Variants in LHFPL1 observed in about 807,000 individuals in gnomAD.
LHFPL1 encodes LHFPL tetraspan subfamily member 1, also known as LHFPL tetraspan subfamily member 1 protein.
Under a neutral mutation model 12.1 loss-of-function variants are expected in LHFPL1, and 4 were observed. The ratio of observed to expected loss-of-function variants is 0.33; its 90% CI spans 0.16 to 0.76. LHFPL1 has a LOEUF of 0.76. Ranked by LOEUF, LHFPL1 falls within the 30% of genes least tolerant of loss-of-function variation. The pLI is 0.61. For synonymous variants in LHFPL1, 52 were observed against 61.9 expected (o/e 0.84, Z 0.75); for missense variants, 141 against 174.1 (o/e 0.81, Z 1.07).
chrX:112,674,515 G>C (rs7051905), intron 1 of LHFPL1, among the ~76,000 whole-genome samples: 6,076 of 110,158 alleles, frequency 0.055, 428 homozygotes, highest in African/African-American at 0.19. Flanking sequence ...AACCCACAGA[G>C]AGAGAAAATC....
chrX:112,660,984 T>C (rs904836819), intron 2 of LHFPL1, among the ~76,000 whole-genome samples: 1 of 111,927 alleles, frequency 8.9e-6, no homozygotes, highest in East Asian at 2.8e-4. Flanking sequence ...CCAATATACT[T>C]TTTACAGCCA....
chrX:112,641,929 C>T (rs1434019100), intron 3 of LHFPL1, among the ~76,000 whole-genome samples: 2 of 112,123 alleles, frequency 1.8e-5, no homozygotes, highest in East Asian at 2.8e-4. Context: ...CTACACTGTG[C>T]TTGATGCAGT....
rs1289832931 is a variant in LHFPL1, at chrX:112,660,631, C to G, written c.477G>C (p.Gln159His). 1 of 1,207,320 alleles carries G rather than the reference C, an allele frequency of 8.3e-7. No homozygotes were observed. The highest frequency in any genetic ancestry group is 2.2e-5 in the Admixed American group (1 of 46,043). Residue 159 changes from glutamine (Q) to histidine (H), a missense_variant, in exon 3 of 4, where the codon CAG becomes CAC. Transcript: ENST00000371968. ...QTCGNVSNQF[Q>H]LGTCRLGWAY... ...CATCTGCCCAGGCCACCTTACCTAA[C>G]TGAAATTGATTGGAGACATTCCCAC...
intron 3 of LHFPL1, among the ~76,000 whole-genome samples, chrX:112,634,448 C>G (rs951153786): frequency 7.2e-5 from 8 of 111,540 alleles, no homozygotes; most frequent in African/African-American, 2.6e-4. Context: ...TCATCCTCCC[C>G]AGCTTATTCC....
intron 1 of LHFPL1, among the ~76,000 whole-genome samples, chrX:112,675,147 A>T (rs958983417): frequency 1.8e-5 from 2 of 111,551 alleles, no homozygotes; most frequent in Non-Finnish European, 3.8e-5. Flanking sequence ...GGGATAAAAG[A>T]TTACAAATAC....
chrX:112,648,804 T>G (rs1930769635), intron 3 of LHFPL1: 1 of 111,897 alleles, frequency 8.9e-6, no homozygotes, highest in African/African-American at 3.2e-5. Flanking sequence ...ATGGACTCTG[T>G]GTTAGGTATA....
rs1396728697 is a variant in LHFPL1 at position 112,631,515 on chromosome X, C to A, written c.568G>T (p.Ala190Ser). 5 of 1,208,892 alleles carry A rather than the reference C, an allele frequency of 4.1e-6. No homozygotes were observed. The highest frequency in any genetic ancestry group is 4.5e-6 in the Non-Finnish European group (4 of 894,642). ...MLICTWLSCF[A>S]GRNPKPVILV... ...ATGACAGGCTTGGGGTTTCTTCCAGCAAAGCAAGAGAGCCAGGTGCAGATC... is the reference window on the plus strand; with the variant it reads ...ATGACAGGCTTGGGGTTTCTTCCAGAAAAGCAAGAGAGCCAGGTGCAGATC... Residue 190 changes from alanine to serine, a missense_variant, in exon 4 of 4, where the codon GCT becomes TCT. Transcript: ENST00000371968.
chrX:112,638,553 G>A (rs193139246), intron 3 of LHFPL1, among the ~76,000 whole-genome samples: 277 of 111,229 alleles, frequency 2.5e-3, no homozygotes, highest in African/African-American at 8.3e-3. Flanking sequence ...GAATCAATGG[G>A]GTGGGTGGAA....
chrX:112,638,424 G>A (rs1305261970), intron 3 of LHFPL1, among the ~76,000 whole-genome samples: 2 of 111,445 alleles, frequency 1.8e-5, no homozygotes, highest in Admixed American at 9.5e-5. Flanking sequence ...GCCTATAGTG[G>A]CCCTGAGGAC....
intron 2 of LHFPL1, among the ~76,000 whole-genome samples, chrX:112,670,166 A>G (rs1602694250): frequency 8.9e-6 from 1 of 112,767 alleles, no homozygotes; most frequent in Non-Finnish European, 1.9e-5. Context: ...AAACTTCAGC[A>G]GTAGATTCTA....
intron 3 of LHFPL1, among the ~76,000 whole-genome samples, chrX:112,634,928 C>T (rs148355001): frequency 0.011 from 561 of 53,094 alleles, 1 homozygote; most frequent in African/African-American, 0.037. Context: ...TGTTATCTAC[C>T]GGAGGAAAAA....
chrX:112,639,466 G>A (rs902077729), intron 3 of LHFPL1, among the ~76,000 whole-genome samples: 3 of 111,688 alleles, frequency 2.7e-5, no homozygotes, highest in Non-Finnish European at 5.6e-5. Context: ...TCAACCCAAT[G>A]TTCCAAAGGG....
At chrX:112,638,660 G>C (rs1332091455) in intron 3 of LHFPL1, among the ~76,000 whole-genome samples, 1 of 111,849 alleles carries the variant, frequency 8.9e-6, no homozygotes, top group Non-Finnish European at 1.9e-5. Context: ...ACTGATGGCT[G>C]GGGAGGGTTA....
intron 3 of LHFPL1, among the ~76,000 whole-genome samples, chrX:112,653,974 A>G (rs1930924785): frequency 8.9e-6 from 1 of 112,362 alleles, no homozygotes; most frequent in Non-Finnish European, 1.9e-5. Flanking sequence ...TGAAATGTTG[A>G]CAATCCACAA....
At chrX:112,672,102 G>T (rs922103512) in intron 1 of LHFPL1, among the ~76,000 whole-genome samples, 6 of 111,758 alleles carry the variant, frequency 5.4e-5, no homozygotes, top group African/African-American at 1.6e-4. Flanking sequence ...CACTGAGAGA[G>T]CACTGATCAG....
In LHFPL1 at chrX:112,660,661, T is replaced by C. The variant is rs1931155315; in HGVS notation, c.447A>G (p.Gln149=). ...PLGWNSPEIM[Q]TCGNVSNQFQ... is the part of the protein sequence containing the mutation. ...ATTGATTGGAGACATTCCCACATGTTTGCATTATCTCCGGGCTATTCCATC... is the reference window on the plus strand; with the variant it reads ...ATTGATTGGAGACATTCCCACATGTCTGCATTATCTCCGGGCTATTCCATC... The change falls in exon 3 of 4, where the codon CAA becomes CAG. Residue 149 remains glutamine (Q), a synonymous_variant. Coordinates refer to ENST00000371968, the MANE Select transcript of LHFPL1 (RefSeq NM_178175.4). 8.3e-7 allele frequency: 1 copy of C among 1,211,055 alleles called. No individual in the cohort carries two copies. Among genetic ancestry groups the C allele is most frequent in the East Asian group, 3.0e-5 (1 of 33,838 alleles).
intron 1 of LHFPL1, among the ~76,000 whole-genome samples, chrX:112,679,566 T>G (rs1423731660): frequency 9.0e-6 from 1 of 111,602 alleles, no homozygotes; most frequent in East Asian, 2.8e-4. Context: ...CAACTAGCAC[T>G]TAACCCTTAG....
chrX:112,660,997 A>C (rs1374311724), intron 2 of LHFPL1, among the ~76,000 whole-genome samples: 1 of 112,342 alleles, frequency 8.9e-6, no homozygotes. Context: ...TACAGCCAAA[A>C]TACTTTTGTC....
At chrX:112,632,635 G>C (rs1358053944) in intron 3 of LHFPL1, among the ~76,000 whole-genome samples, 1 of 111,765 alleles carries the variant, frequency 8.9e-6, no homozygotes, top group Non-Finnish European at 1.9e-5. Context: ...ACAGTCAGTG[G>C]AGGATGTCAA....
Sources: allele counts gnomAD v4.1 joint callset (sites outside exome capture counted in the v4.1 genomes callset), GRCh38; gene constraint gnomAD v4.1.1; transcripts MANE v1.5; gene names NCBI Gene and HGNC (gene_info 2026-07-23, HGNC 2026-07-21).